Variants in ULK4 observed in about 807,000 individuals in gnomAD.
ULK4 encodes the protein unc-51 like kinase 4.
A neutral mutation model predicts 160.6 loss-of-function variants in ULK4; 133 were observed. That is an observed-to-expected ratio of 0.83 (90% CI 0.72 to 0.96). ULK4 has a LOEUF of 0.96. ULK4 is among the 40% of genes least tolerant of loss of function. The pLI is 0.00. For synonymous variants in ULK4, 534 were observed against 539.8 expected, an observed-to-expected ratio of 0.99 and a Z score of 0.15; for missense variants, 1,580 against 1,499.5, an observed-to-expected ratio of 1.05 and a Z score of -0.89.
At chr3:41,696,468 C>A (rs2036505647) in intron 27 of ULK4, among the ~76,000 whole-genome samples, 1 of 152,192 alleles carries the variant, frequency 6.6e-6, no homozygotes, top group Admixed American at 6.5e-5. Flanking sequence ...AAATGACTCA[C>A]ACTCTTTACC....
At chr3:41,422,612 G>A (rs980593686) in intron 34 of ULK4, among the ~76,000 whole-genome samples, 22 of 150,694 alleles carry the variant, frequency 1.5e-4, no homozygotes, top group African/African-American at 4.7e-4. Context: ...TGCTATAGCC[G>A]CAGTCCAAAT....
At chr3:41,271,731 G>A (rs1383134559) in intron 35 of ULK4, among the ~76,000 whole-genome samples, 4 of 151,948 alleles carry the variant, frequency 2.6e-5, no homozygotes, top group African/African-American at 9.7e-5. Context: ...GTATTCTATT[G>A]TTTGGATACA....
chr3:41,746,994 T>A (rs535593062), intron 22 of ULK4, among the ~76,000 whole-genome samples: 1 of 151,984 alleles, frequency 6.6e-6, no homozygotes, highest in Non-Finnish European at 1.5e-5. Flanking sequence ...CTTTATACTT[T>A]ATGCGTAAAA....
At chr3:41,427,237 C>T (rs185332169) in intron 34 of ULK4, among the ~76,000 whole-genome samples, 25 of 152,208 alleles carry the variant, frequency 1.6e-4, no homozygotes, top group Admixed American at 1.5e-3. Context: ...CCTGAGTAGA[C>T]CAATAACAAG....
At chr3:41,880,991 T>G (rs912211106) in intron 17 of ULK4, among the ~76,000 whole-genome samples, 3 of 152,260 alleles carry the variant, frequency 2.0e-5, no homozygotes, top group South Asian at 2.1e-4. Flanking sequence ...TTTTTCCTGT[T>G]CACTGAGAGT....
At chr3:41,393,516 T>C (rs1185135252) in intron 35 of ULK4, among the ~76,000 whole-genome samples, 1 of 152,140 alleles carries the variant, frequency 6.6e-6, no homozygotes, top group African/African-American at 2.4e-5. Context: ...TTAAACATCA[T>C]GTCTTGCCAA....
intron 19 of ULK4, among the ~76,000 whole-genome samples, chr3:41,814,017 A>AC (rs2040893319): frequency 6.6e-6 from 1 of 152,132 alleles, no homozygotes; most frequent in Admixed American, 6.5e-5. Context: ...AGTGGGGTAG[A>AC]CCGCTGCCAA....
At chr3:41,253,221 G>A (rs1418106073) in intron 35 of ULK4, among the ~76,000 whole-genome samples, 2 of 152,000 alleles carry the variant, frequency 1.3e-5, no homozygotes, top group Non-Finnish European at 2.9e-5. Context: ...AGGAATGAAG[G>A]AAGAGCAATA....
intron 34 of ULK4, among the ~76,000 whole-genome samples, chr3:41,427,097 A>G (rs1035700020): frequency 2.6e-5 from 4 of 152,258 alleles, no homozygotes; most frequent in Admixed American, 2.0e-4. Context: ...ACTGACCCTA[A>G]AGAAACATAA....
chr3:41,483,411 C>T (rs1214485058), intron 32 of ULK4, among the ~76,000 whole-genome samples: 1 of 152,160 alleles, frequency 6.6e-6, no homozygotes, highest in Non-Finnish European at 1.5e-5. Context: ...TCCCCATCCC[C>T]ACCTCATATG....
At chr3:41,356,085 A>G (rs2081024096) in intron 35 of ULK4, among the ~76,000 whole-genome samples, 1 of 152,186 alleles carries the variant, frequency 6.6e-6, no homozygotes, top group African/African-American at 2.4e-5. Context: ...TGAGATGAAA[A>G]TAGGTCATAG....
chr3:41,417,124 G>A (rs1575533393), intron 34 of ULK4, among the ~76,000 whole-genome samples: 1 of 152,314 alleles, frequency 6.6e-6, no homozygotes, highest in South Asian at 2.1e-4. Flanking sequence ...GCACGTGAGA[G>A]ACAGTGAAGA....
intron 34 of ULK4, among the ~76,000 whole-genome samples, chr3:41,450,974 C>T (rs1173370693): frequency 1.3e-5 from 2 of 152,204 alleles, no homozygotes; most frequent in East Asian, 3.9e-4. Context: ...GTAACTGGAG[C>T]GCAGTGTCAC....
At chr3:41,593,404 G>A (rs1004147096) in intron 31 of ULK4, among the ~76,000 whole-genome samples, 2 of 150,850 alleles carry the variant, frequency 1.3e-5, no homozygotes, top group African/African-American at 4.9e-5. Flanking sequence ...ACACATGCAT[G>A]CACACACACA....
chr3:41,897,478 CA>C (rs995582363), intron 14 of ULK4, among the ~76,000 whole-genome samples: 1 of 151,634 alleles, frequency 6.6e-6, no homozygotes, highest in East Asian at 1.9e-4. Context: ...AATCCCTATA[CA>C]AAAAAAAGGC....
intron 35 of ULK4, among the ~76,000 whole-genome samples, chr3:41,348,425 C>T (rs1008997542): frequency 1.3e-5 from 2 of 152,136 alleles, no homozygotes; most frequent in Non-Finnish European, 2.9e-5. Flanking sequence ...TGTGCAAGGG[C>T]TTTATTGACA....
intron 17 of ULK4, among the ~76,000 whole-genome samples, chr3:41,850,674 A>T (rs1267574723): frequency 2.7e-5 from 4 of 148,204 alleles, no homozygotes; most frequent in African/African-American, 1.0e-4. Context: ...TTTCTTGTAA[A>T]TTTGTTTGCG....
chr3:41,343,547 G>T (rs560701731), intron 35 of ULK4, among the ~76,000 whole-genome samples: 19 of 151,576 alleles, frequency 1.3e-4, no homozygotes, highest in Non-Finnish European at 2.2e-4. Flanking sequence ...CAGGCAATCC[G>T]CCTGCCTTGG....
chr3:41,305,543 G>C (rs971290586), intron 35 of ULK4, among the ~76,000 whole-genome samples: 2 of 152,238 alleles, frequency 1.3e-5, no homozygotes, highest in African/African-American at 4.8e-5. Context: ...CCAGGCTGGA[G>C]TGCAGTGGCG....
Sources: allele counts gnomAD v4.1 joint callset (sites outside exome capture counted in the v4.1 genomes callset), GRCh38; gene constraint gnomAD v4.1.1; transcripts MANE v1.5; gene names NCBI Gene and HGNC (gene_info 2026-07-23, HGNC 2026-07-21).